FOXP1: variants seen among roughly 807,000 people sequenced by gnomAD.
FOXP1 encodes forkhead box P1.
A neutral mutation model predicts 98.2 loss-of-function variants in FOXP1; 15 were observed. That is an observed-to-expected ratio of 0.15 (90% CI 0.10 to 0.24). FOXP1 has a LOEUF of 0.24. FOXP1 is among the 10% of genes least tolerant of loss of function. The pLI is 1.00. For synonymous variants in FOXP1, 371 were observed against 314.5 expected (o/e 1.18, Z -1.90); for missense variants, 633 against 848.5 (o/e 0.75, Z 3.15).
intron 2 of FOXP1, among the ~76,000 whole-genome samples, chr3:71,532,269 G>C (rs574662809): frequency 1.4e-3 from 214 of 152,156 alleles, no homozygotes; most frequent in African/African-American, 4.9e-3. Context: ...CCAAATTTTT[G>C]TATTTTTTGT....
chr3:71,551,654 T>A (rs2045788390), intron 2 of FOXP1, among the ~76,000 whole-genome samples: 1 of 152,222 alleles, frequency 6.6e-6, no homozygotes, highest in Non-Finnish European at 1.5e-5. Flanking sequence ...GCATTTCTAT[T>A]CAAAAACCAA....
intron 3 of FOXP1, among the ~76,000 whole-genome samples, chr3:71,390,045 A>C (rs1004960751): frequency 6.6e-6 from 1 of 152,178 alleles, no homozygotes; most frequent in Non-Finnish European, 1.5e-5. Flanking sequence ...CACACCCAAG[A>C]ACAAACTGTG....
chr3:71,518,513 T>G (rs2042739818), intron 2 of FOXP1, among the ~76,000 whole-genome samples: 1 of 152,240 alleles, frequency 6.6e-6, no homozygotes, highest in Non-Finnish European at 1.5e-5. Context: ...TGTGAACATG[T>G]TCACCTGTTT....
rs2035964294 is a variant in FOXP1 at position 70,970,436 on chromosome 3, T to C, written c.1722+300A>G. On this transcript the variant is annotated intron_variant, in intron 19 of 20. Coordinates refer to ENST00000649528, the MANE Select transcript of FOXP1 (RefSeq NM_001349338.3). Reference sequence around the variant, plus strand: ...AGCTGTGCTAGAGTAATTACACTTGTGGTATTTTTGCCTCAAGTGAAATTC... The same window carrying C: ...AGCTGTGCTAGAGTAATTACACTTGCGGTATTTTTGCCTCAAGTGAAATTC... The C allele has an allele frequency of 7.1e-6, 3 of 424,574 alleles. No individual in the cohort carries two copies. In the Admixed American group the frequency reaches 1.1e-4, roughly 15 times the overall value. The allele number at this position is 424,574 out of a possible 1,614,324, so 26.3% of individuals were successfully genotyped here. A position where few individuals can be genotyped will look rare whatever the true frequency, so the allele number is the denominator to read the frequency against.
intron 2 of FOXP1, among the ~76,000 whole-genome samples, chr3:71,547,982 C>A (rs1028585910): frequency 3.9e-5 from 6 of 152,204 alleles, no homozygotes; most frequent in Admixed American, 2.6e-4. Flanking sequence ...TACAAACAGT[C>A]AATTTCATAA....
intron 3 of FOXP1, among the ~76,000 whole-genome samples, chr3:71,394,609 CTTTGTAT>C (rs1311489554): frequency 6.6e-6 from 1 of 152,128 alleles, no homozygotes; most frequent in East Asian, 1.9e-4. Context: ...ATAATAGCAA[CTTTGTAT>C]TTTGTATATG....
chr3:71,476,912 C>T (rs1418469597), intron 3 of FOXP1, among the ~76,000 whole-genome samples: 1 of 152,086 alleles, frequency 6.6e-6, no homozygotes, highest in Non-Finnish European at 1.5e-5. Context: ...TCCCCAAGAA[C>T]CTTAAGCTTT....
At chr3:71,372,320 C>A (rs1177567674) in intron 3 of FOXP1, among the ~76,000 whole-genome samples, 1 of 152,030 alleles carries the variant, frequency 6.6e-6, no homozygotes, top group Non-Finnish European at 1.5e-5. Context: ...CTGTGCCTGG[C>A]CGAGGATCAT....
At chr3:71,437,686 A>C (rs1207763086) in intron 3 of FOXP1, among the ~76,000 whole-genome samples, 1 of 152,160 alleles carries the variant, frequency 6.6e-6, no homozygotes, top group Non-Finnish European at 1.5e-5. Flanking sequence ...CGCAAGCCCA[A>C]AGGGTGGAGG....
At chr3:71,044,107 T>C (rs1336264860) in intron 10 of FOXP1, among the ~76,000 whole-genome samples, 3 of 152,198 alleles carry the variant, frequency 2.0e-5, no homozygotes, top group Non-Finnish European at 4.4e-5. Context: ...GTTAGTTCAA[T>C]GAGCGCTACC....
intron 14 of FOXP1, among the ~76,000 whole-genome samples, chr3:70,982,259 T>C (rs1378142790): frequency 6.6e-6 from 1 of 152,212 alleles, no homozygotes; most frequent in Non-Finnish European, 1.5e-5. Context: ...TTCATCTTAA[T>C]TGTAAACTAT....
At chr3:71,389,002 C>CT (rs1182888957) in intron 3 of FOXP1, among the ~76,000 whole-genome samples, 1 of 151,842 alleles carries the variant, frequency 6.6e-6, no homozygotes, top group African/African-American at 2.4e-5. Context: ...AAAGGTGTGG[C>CT]TTTGGGAGGA....
In FOXP1 at chr3:70,967,411, T is replaced by G. The variant is rs572736770; in HGVS notation, c.1723-1355A>C. On this transcript the variant is annotated intron_variant, in intron 19 of 20. Coordinates refer to ENST00000649528, the MANE Select transcript of FOXP1 (RefSeq NM_001349338.3). ...AATGGACTGTTTCAAAGCTCGGCCC[T>G]ATGTAAGCCCACAGCTTTTCCTTCC... Among the ~76,000 whole-genome samples the G allele has an allele frequency of 5.9e-5, 9 of 152,314 alleles. No individual in the cohort carries two copies. The East Asian group carries it at 1.7e-3, about 29-fold the overall frequency.
At position 70,970,728 on chromosome 3, in the gene FOXP1, A is replaced by C. The variant is rs745376150; in HGVS notation, c.1722+8T>G. 1 of 1,611,422 alleles carries C rather than the reference A, an allele frequency of 6.2e-7. No individual in the cohort carries two copies. Among genetic ancestry groups the C allele is most frequent in the Non-Finnish European group, 8.5e-7 (1 of 1,177,512 alleles). On this transcript the variant is annotated splice_region_variant and intron_variant, in intron 19 of 20. Transcript: ENST00000649528. ...CTGCTGCATATTCGGGACGGCCGTT[A>C]ATCTTACCTGTAAAGCTGCATTGAG... is the stretch of plus-strand genomic sequence containing the variant.
intron 6 of FOXP1, among the ~76,000 whole-genome samples, chr3:71,136,838 G>A (rs1239386092): frequency 6.6e-6 from 1 of 152,032 alleles, no homozygotes; most frequent in African/African-American, 2.4e-5. Flanking sequence ...AAGATTACTG[G>A]TGGAAAAAAG....
chr3:71,508,045 C>T (rs543071656), intron 2 of FOXP1, among the ~76,000 whole-genome samples: 20 of 152,336 alleles, frequency 1.3e-4, no homozygotes, highest in South Asian at 1.0e-3. Flanking sequence ...TCCAAATACA[C>T]ACAACTAGTA....
chr3:71,295,047 A>G (rs905184470), intron 5 of FOXP1, among the ~76,000 whole-genome samples: 8 of 152,152 alleles, frequency 5.3e-5, no homozygotes, highest in Non-Finnish European at 4.4e-5. Flanking sequence ...TCTTTGTTAC[A>G]CCAGCCTAGT....
chr3:71,581,225 ATAAT>A (rs1244198586), intron 2 of FOXP1: 2 of 985,422 alleles, frequency 2.0e-6, no homozygotes, highest in Non-Finnish European at 2.4e-6. Context: ...TGACTTGGAA[ATAAT>A]TAATAGTTAT....
chr3:71,469,828 A>C (rs974220295), intron 3 of FOXP1, among the ~76,000 whole-genome samples: 1 of 152,180 alleles, frequency 6.6e-6, no homozygotes, highest in African/African-American at 2.4e-5. Context: ...TGAATTTTGC[A>C]CACAGATGAT....
Sources: allele counts gnomAD v4.1 joint callset (sites outside exome capture counted in the v4.1 genomes callset), GRCh38; gene constraint gnomAD v4.1.1; transcripts MANE v1.5; gene names NCBI Gene and HGNC (gene_info 2026-07-23, HGNC 2026-07-21).